Variants in NCOA2 observed in about 807,000 individuals in gnomAD.
NCOA2 encodes the protein class E basic helix-loop-helix protein 75.
A neutral mutation model predicts 145.1 loss-of-function variants in NCOA2; 21 were observed. That is an observed-to-expected ratio of 0.14 (90% confidence interval 0.10 to 0.21). NCOA2 has a LOEUF of 0.21. NCOA2 is among the 10% of genes least tolerant of loss of function. The pLI is 1.00. For synonymous variants in NCOA2, 619 were observed against 637.5 expected, an observed-to-expected ratio of 0.97 and a Z score of 0.44; for missense variants, 1,472 against 1,837.6, an observed-to-expected ratio of 0.80 and a Z score of 3.64.
intron 1 of NCOA2, among the ~76,000 whole-genome samples, chr8:70,375,942 A>G (rs570224619): frequency 3.3e-5 from 5 of 152,338 alleles, no homozygotes; most frequent in South Asian, 4.1e-4. Flanking sequence ...TCCCCTGACA[A>G]TAAGAGTCAC....
At chr8:70,137,847 T>C in intron 15 of NCOA2, 1 of 160,934 alleles carries the variant, frequency 6.2e-6, no homozygotes, top group Non-Finnish European at 1.4e-5. Context: ...CTGGACTGGC[T>C]TCCTGTCATC....
chr8:70,320,770 C>T (rs1805985006), intron 1 of NCOA2, among the ~76,000 whole-genome samples: 1 of 151,988 alleles, frequency 6.6e-6, no homozygotes, highest in African/African-American at 2.4e-5. Context: ...TTGATCTGCT[C>T]TTAATAAAAA....
chr8:70,389,260 G>A (rs1280710614), intron 1 of NCOA2, among the ~76,000 whole-genome samples: 1 of 151,804 alleles, frequency 6.6e-6, no homozygotes, highest in Non-Finnish European at 1.5e-5. Context: ...CAATATTTTG[G>A]CAAACTCCCT....
At chr8:70,379,830 G>A (rs1279680413) in intron 1 of NCOA2, among the ~76,000 whole-genome samples, 4 of 64,816 alleles carry the variant, frequency 6.2e-5, no homozygotes, top group Non-Finnish European at 7.6e-5. Flanking sequence ...TGATTCTATC[G>A]TTTCTGTATC....
chr8:70,341,083 A>AG (rs1365907428), intron 1 of NCOA2, among the ~76,000 whole-genome samples: 44 of 107,760 alleles, frequency 4.1e-4, no homozygotes, highest in African/African-American at 2.2e-3. Flanking sequence ...TAAAAAGTTG[A>AG]AAAAAAAAAA....
chr8:70,365,211 A>G (rs1373244508), intron 1 of NCOA2, among the ~76,000 whole-genome samples: 1 of 152,174 alleles, frequency 6.6e-6, no homozygotes, highest in Non-Finnish European at 1.5e-5. Context: ...GCACACCTGT[A>G]GTCTCAGCTA....
At chr8:70,349,009 T>A (rs1454219341) in intron 1 of NCOA2, among the ~76,000 whole-genome samples, 1 of 87,716 alleles carries the variant, frequency 1.1e-5, no homozygotes, top group Non-Finnish European at 2.2e-5. Context: ...GGCATGGCAG[T>A]GGGGGATGGG....
At chr8:70,123,189 A>G (rs1808017562) in intron 21 of NCOA2, among the ~76,000 whole-genome samples, 1 of 152,192 alleles carries the variant, frequency 6.6e-6, no homozygotes, top group Non-Finnish European at 1.5e-5. Context: ...CAAAACAATT[A>G]TTTTAAAAAA....
chr8:70,229,665 T>C (rs1478036534), intron 2 of NCOA2, among the ~76,000 whole-genome samples: 1 of 152,104 alleles, frequency 6.6e-6, no homozygotes, highest in East Asian at 1.9e-4. Context: ...CTGGACTGAG[T>C]GCTGACTGCA....
chr8:70,222,836 A>C (rs774683630), intron 2 of NCOA2, among the ~76,000 whole-genome samples: 2 of 152,232 alleles, frequency 1.3e-5, no homozygotes, highest in Non-Finnish European at 2.9e-5. Flanking sequence ...GCCAGAATAC[A>C]TAAGTAGCAG....
At chr8:70,293,309 T>G (rs544833386) in intron 2 of NCOA2, among the ~76,000 whole-genome samples, 1 of 152,290 alleles carries the variant, frequency 6.6e-6, no homozygotes, top group South Asian at 2.1e-4. Context: ...ATCACAAATC[T>G]TCTCACATCT....
rs916919061 is a variant in NCOA2, at chr8:70,110,829, A to G, written c.*2803T>C. 5.8e-5 allele frequency: 13 copies of G among 224,282 alleles called. No individual in the cohort carries two copies. Among genetic ancestry groups the G allele is most frequent in the African/African-American group, 2.5e-4 (11 of 44,856 alleles). 13.9% of individuals were successfully genotyped at this position (224,282 alleles called of 1,614,324 possible). A position where few individuals can be genotyped will look rare whatever the true frequency, so the allele number is the denominator to read the frequency against. Reference sequence around the variant, plus strand: ...TCACTTTTTAAACTTACCACATTACATGAACACTTAAAATGAGTTTTACAA... The same window carrying G: ...TCACTTTTTAAACTTACCACATTACGTGAACACTTAAAATGAGTTTTACAA... On this transcript the variant is annotated 3_prime_UTR_variant, in exon 23 of 23. Coordinates refer to ENST00000452400, the MANE Select transcript of NCOA2 (RefSeq NM_006540.4).
intron 2 of NCOA2, among the ~76,000 whole-genome samples, chr8:70,266,306 G>A (rs1029734927): frequency 4.6e-5 from 7 of 152,306 alleles, no homozygotes; most frequent in Admixed American, 4.6e-4. Context: ...GGGACTACAG[G>A]TGCAGGCCAC....
intron 3 of NCOA2, among the ~76,000 whole-genome samples, chr8:70,214,386 C>A (rs1819371937): frequency 6.6e-6 from 1 of 151,388 alleles, no homozygotes; most frequent in South Asian, 2.1e-4. Flanking sequence ...CAAGTGGGCA[C>A]CAAATTAGTT....
At chr8:70,275,727 C>A (rs1825415172) in intron 2 of NCOA2, among the ~76,000 whole-genome samples, 1 of 152,148 alleles carries the variant, frequency 6.6e-6, no homozygotes, top group Admixed American at 6.5e-5. Context: ...AGAACACCAA[C>A]ACAAAGAACT....
chr8:70,166,502 G>GT, intron 7 of NCOA2, 64 bp downstream of exon 7: 1 of 1,549,194 alleles, frequency 6.5e-7, no homozygotes, highest in Non-Finnish European at 8.9e-7. Context: ...TAATTAAAGT[G>GT]TGAAGGAAGT....
chr8:70,178,888 T>C (rs899101753), intron 4 of NCOA2, among the ~76,000 whole-genome samples: 21 of 152,264 alleles, frequency 1.4e-4, no homozygotes, highest in Middle Eastern at 3.4e-3. Flanking sequence ...TGGCGAAACA[T>C]TGATCTAAGC....
intron 4 of NCOA2, among the ~76,000 whole-genome samples, chr8:70,207,768 CAGA>C (rs1282966686): frequency 7.0e-6 from 1 of 143,326 alleles, no homozygotes; most frequent in Non-Finnish European, 1.5e-5. Context: ...GAGGCTGAGG[CAGA>C]AGAACTGCTT....
chr8:70,142,508 G>C (rs1248195419), intron 13 of NCOA2, among the ~76,000 whole-genome samples: 2 of 152,064 alleles, frequency 1.3e-5, no homozygotes, highest in Non-Finnish European at 2.9e-5. Context: ...AGGTGAGCCT[G>C]GGCAACATGG....
Sources: allele counts gnomAD v4.1 joint callset (sites outside exome capture counted in the v4.1 genomes callset), GRCh38; gene constraint gnomAD v4.1.1; transcripts MANE v1.5; gene names NCBI Gene and HGNC (gene_info 2026-07-23, HGNC 2026-07-21).